The following PSMD9 variants were observed in gnomAD, a reference collection of about 807,000 sequenced individuals.
PSMD9 encodes the protein 26S proteasome non-ATPase regulatory subunit 9.
In PSMD9, 26 loss-of-function variants were observed where a neutral mutation model predicts 25.9. The ratio of observed to expected loss-of-function variants is 1.00; its 90% CI spans 0.73 to 1.39. The LOEUF (loss-of-function observed/expected upper bound fraction) is 1.39, where lower values mean the gene tolerates loss of function less well. PSMD9 is among the 40% of genes most tolerant of loss of function. The pLI, the probability that PSMD9 is intolerant of heterozygous loss-of-function variation, is 0.00. For missense variants in PSMD9, 303 were observed against 299.3 expected (o/e 1.01, Z -0.09); for synonymous variants, 110 against 114.5 (o/e 0.96, Z 0.25).
At chr12:121,897,709 G>A (rs1879275704) in intron 2 of PSMD9, 1 of 150,652 alleles carries the variant, frequency 6.6e-6, no homozygotes, top group East Asian at 2.0e-4. Context: ...TATTTTTTTA[G>A]TAGAGACGGG....
chr12:121,910,189 G>A (rs1030333990), intron 4 of PSMD9, among the ~76,000 whole-genome samples: 11 of 140,646 alleles, frequency 7.8e-5, no homozygotes, highest in African/African-American at 1.3e-4. Context: ...AGGTTCAAGC[G>A]ATTCTCCTGC....
chr12:121,907,456 G>A (rs1257768120), intron 4 of PSMD9, among the ~76,000 whole-genome samples: 1 of 152,030 alleles, frequency 6.6e-6, no homozygotes, highest in Admixed American at 6.6e-5. Flanking sequence ...CATTATCTCA[G>A]CTCACTGCAA....
Position 121,913,079 on chromosome 12 carries a change from G to A in PSMD9, c.556-2777G>A, listed in dbSNP as rs1467180875. ...AGCCTCCCGAGTAGCTGGGACTACA[G>A]GCGTCCACCACCAAGCCTGGCTAAT... On this transcript the variant is annotated intron_variant, in intron 4 of 5. Coordinates refer to ENST00000541212, the MANE Select transcript of PSMD9 (RefSeq NM_002813.7). Among the ~76,000 whole-genome samples, 3 of 151,672 alleles carry A rather than the reference G, an allele frequency of 2.0e-5. No homozygotes were observed. In the East Asian group the frequency reaches 5.9e-4, roughly 30 times the overall value.
intron 1 of PSMD9, among the ~76,000 whole-genome samples, chr12:121,890,461 T>C (rs1051779974): frequency 7.2e-5 from 11 of 152,072 alleles, no homozygotes; most frequent in Non-Finnish European, 1.3e-4. Context: ...TATATAAATG[T>C]ATTATTATTG....
In PSMD9 at chr12:121,916,804, T is replaced by C. The variant is rs1879918064; in HGVS notation, c.*493T>C. On this transcript the variant is annotated 3_prime_UTR_variant, in exon 6 of 6. Coordinates refer to ENST00000541212, the MANE Select transcript of PSMD9 (RefSeq NM_002813.7). ...TGCACTGAGGCCTTGCTGCTGTGGA[T>C]ACGGAAATGGTTAAGTACTGTGCTT... The C allele has an allele frequency of 6.2e-6, 1 of 160,030 alleles. No homozygotes were observed. The highest frequency in any genetic ancestry group is 2.4e-5 in the African/African-American group (1 of 41,556). 9.9% of individuals were successfully genotyped at this position (160,030 alleles called of 1,614,324 possible).
At chr12:121,891,901 CAAAAAA>C (rs33982940) in intron 1 of PSMD9, among the ~76,000 whole-genome samples, 3 of 74,314 alleles carry the variant, frequency 4.0e-5, no homozygotes, top group Admixed American at 1.8e-4. Flanking sequence ...GATTCCATCT[CAAAAAA>C]AAAAAAAAAA....
intron 3 of PSMD9, 24 bp downstream of exon 3, chr12:121,899,869 A>C (rs777447982): frequency 1.2e-6 from 2 of 1,613,574 alleles, no homozygotes; most frequent in South Asian, 2.2e-5. Context: ...TGGCCACTCA[A>C]GTCCATGCCC....
chr12:121,911,112 T>G, intron 4 of PSMD9: 1 of 411,190 alleles, frequency 2.4e-6, no homozygotes, highest in Middle Eastern at 7.5e-4. Context: ...CAATCTCCAC[T>G]CACTGCACCC....
chr12:121,895,736 A>G (rs1879211039), intron 2 of PSMD9, among the ~76,000 whole-genome samples: 2 of 152,092 alleles, frequency 1.3e-5, no homozygotes, highest in Non-Finnish European at 2.9e-5. Flanking sequence ...GACCTCTGTG[A>G]TGACACCAGG....
At chr12:121,891,298 TAAAA>T (rs1209397158) in intron 1 of PSMD9, among the ~76,000 whole-genome samples, 1 of 91,684 alleles carries the variant, frequency 1.1e-5, no homozygotes, top group Non-Finnish European at 2.1e-5. Flanking sequence ...GCTGTCTCTT[TAAAA>T]AAAAAAAAAA....
Position 121,906,648 on chromosome 12 carries a change from C to CA in PSMD9, c.555+3557dup, listed in dbSNP as rs11289150. 2.3e-4 allele frequency among the ~76,000 whole-genome samples: 33 copies of CA among 142,128 alleles called. No individual in the cohort carries two copies. In the East Asian group the frequency reaches 4.8e-3, roughly 21 times the overall value. The allele number at this position is 142,128 out of a possible 152,430, so 93.2% of individuals were successfully genotyped here. A position where few individuals can be genotyped will look rare whatever the true frequency, so the allele number is the denominator to read the frequency against. Reference sequence around the variant, plus strand: ...TGAAAACCGGTCTCTACTAAAAATACAAAAAAAAAAAAAAAATTATCTGGG... The same window carrying CA: ...TGAAAACCGGTCTCTACTAAAAATACAAAAAAAAAAAAAAAAATTATCTGGG... On this transcript the variant is annotated intron_variant, in intron 4 of 5. Coordinates refer to ENST00000541212, the MANE Select transcript of PSMD9 (RefSeq NM_002813.7).
intron 3 of PSMD9, among the ~76,000 whole-genome samples, chr12:121,900,842 G>A (rs541491110): frequency 5.9e-5 from 9 of 152,020 alleles, no homozygotes; most frequent in East Asian, 5.8e-4. Flanking sequence ...AACATTAGCC[G>A]GGTGTGGTGA....
chr12:121,890,075 G>A (rs892008854), intron 1 of PSMD9, among the ~76,000 whole-genome samples: 3 of 152,054 alleles, frequency 2.0e-5, no homozygotes, highest in Non-Finnish European at 2.9e-5. Flanking sequence ...GCGCCAGTAC[G>A]CCAGGCTAAT....
At chr12:121,910,535 G>A (rs1440232132) in intron 4 of PSMD9, among the ~76,000 whole-genome samples, 5 of 151,780 alleles carry the variant, frequency 3.3e-5, no homozygotes, top group African/African-American at 1.2e-4. Context: ...GCCAAGGTGG[G>A]CGGATCACCT....
At chr12:121,892,981 TAGC>T (rs1374064925) in intron 1 of PSMD9, among the ~76,000 whole-genome samples, 4 of 152,194 alleles carry the variant, frequency 2.6e-5, no homozygotes, top group African/African-American at 9.6e-5. Flanking sequence ...GTACTAGAGA[TAGC>T]AAGTAACTGG....
At chr12:121,911,833 A>G (rs1366333740) in intron 4 of PSMD9, among the ~76,000 whole-genome samples, 1 of 151,246 alleles carries the variant, frequency 6.6e-6, no homozygotes, top group Admixed American at 6.6e-5. Context: ...TTGTATTTTT[A>G]GTAGAGACTG....
At chr12:121,904,721 G>A (rs12817066) in intron 4 of PSMD9, among the ~76,000 whole-genome samples, 46,705 of 145,228 alleles carry the variant, frequency 0.32, 9,639 homozygotes, top group Non-Finnish European at 0.47. Context: ...GCAGTGGTGC[G>A]ATCTTGGCTC....
chr12:121,896,953 A>G (rs1211802813), intron 2 of PSMD9, among the ~76,000 whole-genome samples: 1 of 151,942 alleles, frequency 6.6e-6, no homozygotes, highest in African/African-American at 2.4e-5. Context: ...ATGTGTATAT[A>G]TCTACACATA....
chr12:121,905,098 C>T (rs959317721), intron 4 of PSMD9, among the ~76,000 whole-genome samples: 1 of 151,902 alleles, frequency 6.6e-6, no homozygotes, highest in East Asian at 1.9e-4. Context: ...ACATGTCCTT[C>T]AGAAAGACTG....
Sources: gnomAD v4.1 joint callset for allele counts (sites outside exome capture counted in the v4.1 genomes callset) on GRCh38, gnomAD v4.1.1 for gene constraint, MANE v1.5 for transcripts, NCBI Gene and HGNC (gene_info 2026-07-23, HGNC 2026-07-21) for gene names.